The following HACD2 variants were observed in gnomAD, a reference collection of about 807,000 sequenced individuals.
HACD2 encodes very-long-chain (3R)-3-hydroxyacyl-CoA dehydratase 2.
HACD2 carries 15 observed loss-of-function variants against 31.0 expected under a neutral mutation model. The observed-to-expected ratio is 0.48, with a 90% CI of 0.32 to 0.75. The LOEUF is 0.75. Ranked by LOEUF, HACD2 falls within the 30% of genes least tolerant of loss-of-function variation. The pLI, the probability that HACD2 is intolerant of heterozygous loss-of-function variation, is 0.03. For synonymous variants in HACD2, 115 were observed against 122.2 expected, an observed-to-expected ratio of 0.94 and a Z score of 0.39; for missense variants, 283 against 313.0, an observed-to-expected ratio of 0.90 and a Z score of 0.72.
chr3:123,545,302 C>T (rs571352825), intron 3 of HACD2, among the ~76,000 whole-genome samples: 24 of 150,200 alleles, frequency 1.6e-4, no homozygotes, highest in Admixed American at 4.6e-4. Context: ...GTCAACATGG[C>T]GAAACCCCGT....
At chr3:123,558,876 G>A (rs1457934946) in intron 3 of HACD2, among the ~76,000 whole-genome samples, 2 of 152,190 alleles carry the variant, frequency 1.3e-5, no homozygotes, top group Admixed American at 6.5e-5. Flanking sequence ...TTGAAGCTAA[G>A]AATAGGTGTA....
At chr3:123,584,741 G>A (rs1275583532) in intron 1 of HACD2, 132 bp downstream of exon 1, 4 of 656,492 alleles carry the variant, frequency 6.1e-6, no homozygotes, top group Non-Finnish European at 9.1e-6. Context: ...CCCAGGTACC[G>A]GGTCCCGGGC....
chr3:123,569,878 A>G (rs939918130), intron 2 of HACD2, among the ~76,000 whole-genome samples: 6 of 151,710 alleles, frequency 4.0e-5, no homozygotes, highest in Non-Finnish European at 2.9e-5. Context: ...AGTCTCGGCT[A>G]CTCAGAAGGC....
intron 4 of HACD2, among the ~76,000 whole-genome samples, chr3:123,507,991 C>G (rs1047463993): frequency 1.4e-4 from 21 of 149,988 alleles, no homozygotes; most frequent in African/African-American, 4.6e-4. Flanking sequence ...TGAGACCCCC[C>G]CTCTCTTAAA....
At chr3:123,578,523 A>G (rs1411279137) in intron 2 of HACD2, among the ~76,000 whole-genome samples, 1 of 152,162 alleles carries the variant, frequency 6.6e-6, no homozygotes, top group Non-Finnish European at 1.5e-5. Context: ...CCCCCATGTC[A>G]GCCTCCTAAA....
intron 2 of HACD2, among the ~76,000 whole-genome samples, chr3:123,575,220 C>T (rs1276439959): frequency 6.6e-6 from 1 of 151,974 alleles, no homozygotes; most frequent in Non-Finnish European, 1.5e-5. Context: ...AGCGATTCTC[C>T]TGCCTTAGCC....
chr3:123,555,405 G>T (rs2107735381), intron 3 of HACD2, among the ~76,000 whole-genome samples: 1 of 151,992 alleles, frequency 6.6e-6, no homozygotes, highest in African/African-American at 2.4e-5. Context: ...AAGGTCACAG[G>T]ATATAAGATC....
intron 4 of HACD2, among the ~76,000 whole-genome samples, chr3:123,524,325 C>G (rs777180861): frequency 2.6e-5 from 4 of 152,050 alleles, no homozygotes; most frequent in Non-Finnish European, 5.9e-5. Flanking sequence ...TTTAATAAGC[C>G]CTCTGGGTGA....
intron 4 of HACD2, among the ~76,000 whole-genome samples, chr3:123,518,995 TAAAAAAAAA>T (rs67571643): frequency 4.2e-4 from 18 of 42,506 alleles, no homozygotes; most frequent in African/African-American, 1.4e-3. Flanking sequence ...AGACTCCAAC[TAAAAAAAAA>T]AAAAAAAAAA....
At chr3:123,532,585 C>T (rs1180202848) in intron 3 of HACD2, among the ~76,000 whole-genome samples, 1 of 152,088 alleles carries the variant, frequency 6.6e-6, no homozygotes, top group Non-Finnish European at 1.5e-5. Context: ...AATCCCAGCA[C>T]TTTGGGAGGC....
intron 4 of HACD2, among the ~76,000 whole-genome samples, chr3:123,526,262 A>G (rs56191303): frequency 0.099 from 15,033 of 152,268 alleles, 1,060 homozygotes; most frequent in African/African-American, 0.21. Context: ...GCTGTCGAAG[A>G]CGTAGGGCAG....
intron 3 of HACD2, among the ~76,000 whole-genome samples, chr3:123,550,456 G>A (rs979584943): frequency 6.6e-6 from 1 of 152,178 alleles, no homozygotes; most frequent in Non-Finnish European, 1.5e-5. Flanking sequence ...TTAGAGTAGG[G>A]GATGAAGGCA....
chr3:123,545,486 AAAATAAAT>A (rs138722084), intron 3 of HACD2, among the ~76,000 whole-genome samples: 66 of 112,946 alleles, frequency 5.8e-4, no homozygotes, highest in African/African-American at 2.0e-3. Context: ...AGTCTCAGTA[AAAATAAAT>A]AAATAAATAA....
chr3:123,581,470 G>A (rs574072883), intron 2 of HACD2, among the ~76,000 whole-genome samples: 3 of 152,128 alleles, frequency 2.0e-5, no homozygotes, highest in Non-Finnish European at 2.9e-5. Flanking sequence ...CAGATGCTGC[G>A]AAAAATAAAC....
At chr3:123,518,489 A>G (rs1379721917) in intron 4 of HACD2, among the ~76,000 whole-genome samples, 1 of 152,216 alleles carries the variant, frequency 6.6e-6, no homozygotes, top group East Asian at 1.9e-4. Flanking sequence ...GTCATGCAAC[A>G]TATTTGAAAA....
chr3:123,568,591 A>G (rs150064463), intron 2 of HACD2, among the ~76,000 whole-genome samples: 4 of 152,276 alleles, frequency 2.6e-5, no homozygotes, highest in African/African-American at 7.2e-5. Flanking sequence ...ACTCCATCTC[A>G]ATGGCCATCC....
intron 1 of HACD2, among the ~76,000 whole-genome samples, chr3:123,584,180 A>G (rs1276418452): frequency 6.6e-6 from 1 of 152,206 alleles, no homozygotes; most frequent in Non-Finnish European, 1.5e-5. Flanking sequence ...AGTTAGTGGC[A>G]GAGCTTGAAC....
At chr3:123,547,201 G>T (rs2056569732) in intron 3 of HACD2, among the ~76,000 whole-genome samples, 1 of 151,972 alleles carries the variant, frequency 6.6e-6, no homozygotes, top group African/African-American at 2.4e-5. Context: ...TAAAAGTGTT[G>T]GAATTGTGAT....
intron 4 of HACD2, among the ~76,000 whole-genome samples, chr3:123,526,443 A>G (rs1307884672): frequency 6.6e-6 from 1 of 152,216 alleles, no homozygotes; most frequent in Non-Finnish European, 1.5e-5. Flanking sequence ...TAAAAACAAG[A>G]GGATCCAAGA....
Sources: allele counts gnomAD v4.1 joint callset (sites outside exome capture counted in the v4.1 genomes callset), GRCh38; gene constraint gnomAD v4.1.1; transcripts MANE v1.5; gene names NCBI Gene and HGNC (gene_info 2026-07-23, HGNC 2026-07-21).